The following PLCL1 variants were observed in gnomAD, a reference collection of about 807,000 sequenced individuals.
The protein encoded by PLCL1 is inactive phospholipase C-like protein 1.
In PLCL1, 41 loss-of-function variants were observed where a neutral mutation model predicts 84.4. The observed-to-expected ratio is 0.49, with a 90% CI of 0.38 to 0.63. The LOEUF is 0.63. Ranked by LOEUF, PLCL1 falls within the 30% of genes least tolerant of loss-of-function variation. PLCL1 has a pLI of 0.00. For missense variants in PLCL1, 1,206 were observed against 1,367.8 expected (o/e 0.88, Z 1.87); for synonymous variants, 490 against 488.3 (o/e 1.00, Z -0.05).
Position 197,804,815 on chromosome 2 carries a change from G to T in PLCL1, c.-285G>T, listed in dbSNP as rs1296719418. The T allele has an allele frequency of 2.9e-6, 1 of 346,114 alleles. No individual in the cohort carries two copies. The allele number at this position is 346,114 out of a possible 1,614,324, so 21.4% of individuals were successfully genotyped here. A position where few individuals can be genotyped will look rare whatever the true frequency, so the allele number is the denominator to read the frequency against. The stretch of plus-strand genomic sequence containing the variant: ...TTTCGGATACCTCCCTCTCTTTTTC[G>T]CCTCTCCTTCTGCCTCCCGCTCACA... On this transcript the variant is annotated 5_prime_UTR_variant, in exon 1 of 6. Transcript: ENST00000428675.
At chr2:198,029,167 C>T (rs532846744) in intron 1 of PLCL1, among the ~76,000 whole-genome samples, 1 of 152,274 alleles carries the variant, frequency 6.6e-6, no homozygotes, top group East Asian at 1.9e-4. Context: ...GACTTTCTAT[C>T]TTTGGGAGGG....
chr2:198,064,259 C>A (rs555373716), intron 1 of PLCL1, among the ~76,000 whole-genome samples: 2 of 152,208 alleles, frequency 1.3e-5, no homozygotes, highest in South Asian at 2.1e-4. Flanking sequence ...TGCCTTATAT[C>A]CTAGTTTGTT....
At chr2:197,985,284 T>C (rs1045433775) in intron 1 of PLCL1, among the ~76,000 whole-genome samples, 1 of 152,200 alleles carries the variant, frequency 6.6e-6, no homozygotes, top group Non-Finnish European at 1.5e-5. Flanking sequence ...CCTCACAGGG[T>C]AGCTTAGAGA....
chr2:198,001,862 T>C, intron 1 of PLCL1: 1 of 258,164 alleles, frequency 3.9e-6, no homozygotes, highest in Non-Finnish European at 7.9e-6. Flanking sequence ...GAAACCCTAT[T>C]GTGAACTGTG....
chr2:198,004,297 A>G (rs181048634), intron 1 of PLCL1, among the ~76,000 whole-genome samples: 6 of 152,302 alleles, frequency 3.9e-5, no homozygotes, highest in African/African-American at 1.4e-4. Flanking sequence ...GTTACAGGGA[A>G]GTTTAGTGGA....
intron 1 of PLCL1, among the ~76,000 whole-genome samples, chr2:197,885,501 A>G (rs1456486264): frequency 6.6e-6 from 1 of 152,174 alleles, no homozygotes; most frequent in Non-Finnish European, 1.5e-5. Flanking sequence ...GGGGAGGGCA[A>G]TATGTTTTAC....
At chr2:198,029,621 A>C (rs1006700053) in intron 1 of PLCL1, among the ~76,000 whole-genome samples, 4 of 152,134 alleles carry the variant, frequency 2.6e-5, no homozygotes, top group African/African-American at 9.7e-5. Flanking sequence ...AGCCTTCTGC[A>C]GTCACGGCTG....
At chr2:198,125,772 GATTTCTT>G (rs1205624577) in intron 5 of PLCL1, among the ~76,000 whole-genome samples, 1 of 152,074 alleles carries the variant, frequency 6.6e-6, no homozygotes, top group Non-Finnish European at 1.5e-5. Flanking sequence ...AGGATCCATT[GATTTCTT>G]TCTAGTACTA....
At chr2:198,133,619 T>C (rs1694183083) in intron 5 of PLCL1, among the ~76,000 whole-genome samples, 3 of 152,088 alleles carry the variant, frequency 2.0e-5, no homozygotes, top group South Asian at 4.1e-4. Context: ...AAGAAATGTT[T>C]TGACAAGTGC....
chr2:198,105,560 G>A (rs1228452078), intron 5 of PLCL1, among the ~76,000 whole-genome samples: 3 of 151,386 alleles, frequency 2.0e-5, no homozygotes, highest in Non-Finnish European at 4.4e-5. Flanking sequence ...GAGGTTTTCG[G>A]TGCAGGCAGG....
At position 198,147,031 on chromosome 2, in the gene PLCL1, T is replaced by A; in HGVS notation, c.*69T>A. Reference sequence around the variant, plus strand: ...TGGTTTCTCATTCTTGTTTTCTTTCTTTAAATGTTTTATAAGTTCACAAAA... The same window carrying A: ...TGGTTTCTCATTCTTGTTTTCTTTCATTAAATGTTTTATAAGTTCACAAAA... On this transcript the variant is annotated 3_prime_UTR_variant, in exon 6 of 6. Coordinates refer to ENST00000428675, the MANE Select transcript of PLCL1 (RefSeq NM_006226.4). 1 of 1,318,062 alleles carries A rather than the reference T, an allele frequency of 7.6e-7. No homozygotes were observed. The highest frequency in any genetic ancestry group is 1.0e-6 in the Non-Finnish European group (1 of 976,484). The allele number at this position is 1,318,062 out of a possible 1,614,324, so 81.6% of individuals were successfully genotyped here.
intron 5 of PLCL1, among the ~76,000 whole-genome samples, chr2:198,135,199 G>A (rs1574337641): frequency 6.6e-6 from 1 of 152,098 alleles, no homozygotes; most frequent in East Asian, 1.9e-4. Flanking sequence ...TGACACTCAT[G>A]GCGGTAGTAT....
intron 1 of PLCL1, among the ~76,000 whole-genome samples, chr2:197,989,585 T>C (rs2105811406): frequency 6.6e-6 from 1 of 152,220 alleles, no homozygotes; most frequent in East Asian, 1.9e-4. Flanking sequence ...TTTAAAAGTG[T>C]TTTGGTTACT....
intron 5 of PLCL1, among the ~76,000 whole-genome samples, chr2:198,106,956 C>T (rs1281810857): frequency 1.3e-5 from 2 of 151,872 alleles, no homozygotes; most frequent in Admixed American, 6.6e-5. Flanking sequence ...ACTGTTCTGC[C>T]TCCTCTAAAA....
rs559700677 is a variant in PLCL1 at position 198,117,031 on chromosome 2, G to T, written c.3105+13095G>T. Among the ~76,000 whole-genome samples the T allele has an allele frequency of 9.9e-5, 15 of 151,814 alleles. No individual in the cohort carries two copies. The South Asian group carries it at 2.9e-3, about 29-fold the overall frequency. ...TTCCTTAATCAACTAGAATATTCTG[G>T]ATCTCCCAGTTGTCAGCTACTCAGC... On this transcript the variant is annotated intron_variant, in intron 5 of 5. Transcript: ENST00000428675.
intron 1 of PLCL1, among the ~76,000 whole-genome samples, chr2:198,076,934 C>T (rs2105890121): frequency 6.6e-6 from 1 of 152,310 alleles, no homozygotes; most frequent in Non-Finnish European, 1.5e-5. Flanking sequence ...AACTGCCAAA[C>T]ATGGATGTGA....
intron 3 of PLCL1, among the ~76,000 whole-genome samples, chr2:198,091,685 AAAAATAAAATAAAAT>A (rs567680554): frequency 0.083 from 9,853 of 118,060 alleles, 563 homozygotes; most frequent in East Asian, 0.11. Context: ...ATCTCAAATA[AAAAATAAAATAAAAT>A]AAAATAAAAT....
chr2:198,021,592 A>G (rs544039586), intron 1 of PLCL1, among the ~76,000 whole-genome samples: 10 of 152,340 alleles, frequency 6.6e-5, no homozygotes, highest in African/African-American at 2.4e-4. Flanking sequence ...AATACAAACT[A>G]CCATCGGAGA....
rs750190730 is a variant in PLCL1 at position 197,805,482 on chromosome 2, A to T, written c.240+143A>T. ...CTTCAACGCCAAACCTTCCTTCCTT[A>T]TCCGGAGGTTCCCAGACTCAGCTGT... On this transcript the variant is annotated intron_variant, in intron 1 of 5. Coordinates refer to ENST00000428675, the MANE Select transcript of PLCL1 (RefSeq NM_006226.4). The surrounding 1 kb of genome is among the most constrained non-coding windows in gnomAD (Gnocchi z 4.0). 3 of 788,360 alleles carry T rather than the reference A, an allele frequency of 3.8e-6. No homozygotes were observed. Among genetic ancestry groups the T allele is most frequent in the Non-Finnish European group, 5.2e-6 (3 of 581,684 alleles). 48.8% of individuals were successfully genotyped at this position (788,360 alleles called of 1,614,324 possible).
Sources: gnomAD v4.1 joint callset for allele counts (sites outside exome capture counted in the v4.1 genomes callset) on GRCh38, gnomAD v4.1.1 for gene constraint, Gnocchi (gnomAD v3.1) non-coding constraint, MANE v1.5 for transcripts, NCBI Gene and HGNC (gene_info 2026-07-23, HGNC 2026-07-21) for gene names.